Variants in ACTN1 observed in about 807,000 individuals in gnomAD.
ACTN1 encodes the protein alpha-actinin-1.
ACTN1 carries 30 observed loss-of-function variants against 119.6 expected under a neutral mutation model. That is an observed-to-expected ratio of 0.25 (90% confidence interval 0.19 to 0.34). The LOEUF (loss-of-function observed/expected upper bound fraction) is 0.34. Among genes scored for constraint, ACTN1 ranks in the 10% least tolerant of loss-of-function variants. ACTN1 has a pLI of 1.00. For synonymous variants in ACTN1, 429 were observed against 472.6 expected (o/e 0.91, Z 1.20); for missense variants, 764 against 1,223.4 (o/e 0.62, Z 5.60).
chr14:68,969,193 A>C (rs2036800409), intron 1 of ACTN1, among the ~76,000 whole-genome samples: 3 of 152,396 alleles, frequency 2.0e-5, no homozygotes, highest in Middle Eastern at 6.8e-3. Flanking sequence ...AGAGAAAAAG[A>C]AAGCTACAAA....
In ACTN1 at chr14:68,882,983, C is replaced by T. The variant is rs1257111511; in HGVS notation, c.1708G>A (p.Gly570Ser). The T allele has an allele frequency of 6.2e-7, 1 of 1,614,144 alleles. No homozygotes were observed. Among genetic ancestry groups the T allele is most frequent in the Non-Finnish European group, 8.5e-7 (1 of 1,180,024 alleles). ...ATCTTGGACACCTCATTGTGGATGC[C>T]CAGGATGGCCAGGCGCTCCTTGTCG... ...DADKERLAIL[G>S]IHNEVSKIVQ... Residue 570 changes from glycine (G) to serine (S), a missense_variant, in exon 15 of 22, where the codon GGC (glycine) becomes AGC (serine). Coordinates refer to ENST00000394419, the MANE Select transcript of ACTN1 (RefSeq NM_001130004.2). This position sits in a 1 kb window ranked among gnomAD's most constrained non-coding sequence, Gnocchi z 4.5.
In ACTN1 at chr14:68,906,718, G is replaced by A. The variant is rs539202768; in HGVS notation, c.595-1982C>T. On this transcript the variant is annotated intron_variant, in intron 6 of 21. Coordinates refer to ENST00000394419, the MANE Select transcript of ACTN1 (RefSeq NM_001130004.2). The stretch of plus-strand genomic sequence containing the variant: ...CCTCAGCCCTCTGTCCCTATTCTTC[G>A]GCACCAGTTGGTCTCACAACCTCCT... Among the ~76,000 whole-genome samples the A allele has an allele frequency of 3.9e-5, 6 of 152,302 alleles. No homozygotes were observed. The East Asian group carries it at 7.7e-4, about 20-fold the overall frequency.
At chr14:68,943,453 A>C (rs1282794734) in intron 1 of ACTN1, among the ~76,000 whole-genome samples, 1 of 152,176 alleles carries the variant, frequency 6.6e-6, no homozygotes, top group Non-Finnish European at 1.5e-5. Flanking sequence ...GCTGTTGCCC[A>C]CCAGCACCGG....
intron 8 of ACTN1, among the ~76,000 whole-genome samples, chr14:68,898,046 G>C (rs1021403069): frequency 1.3e-5 from 2 of 152,228 alleles, no homozygotes; most frequent in Non-Finnish European, 2.9e-5. Context: ...CTTGGTGGCC[G>C]GCAGTCTTGT....
intron 3 of ACTN1, among the ~76,000 whole-genome samples, chr14:68,914,122 G>A (rs2034158381): frequency 6.6e-6 from 1 of 151,862 alleles, no homozygotes; most frequent in Admixed American, 6.5e-5. Context: ...GGCTTAAGTG[G>A]GAGGATTGCT....
Position 68,878,973 on chromosome 14 carries a change from T to C in ACTN1, c.2361+16A>G. The stretch of plus-strand genomic sequence containing the variant: ...AGACGCCACCCCTGAGCGTGCTCCA[T>C]GCAGGAGGCGAGTACCTGGGGGTCG... On this transcript the variant is annotated intron_variant, in intron 19 of 21. Transcript: ENST00000394419. The surrounding 1 kb of genome is among the most constrained non-coding windows in gnomAD (Gnocchi z 4.4). The C allele has an allele frequency of 2.5e-6, 4 of 1,613,068 alleles. No homozygotes were observed. Among genetic ancestry groups the C allele is most frequent in the Non-Finnish European group, 8.5e-7 (1 of 1,179,780 alleles).
intron 1 of ACTN1, among the ~76,000 whole-genome samples, chr14:68,962,070 C>T (rs2036559020): frequency 6.6e-6 from 1 of 152,212 alleles, no homozygotes; most frequent in Non-Finnish European, 1.5e-5. Context: ...GAGAGAATGG[C>T]TCACCCTCTG....
chr14:68,914,133 T>C (rs1026880483), intron 3 of ACTN1, among the ~76,000 whole-genome samples: 2 of 151,976 alleles, frequency 1.3e-5, no homozygotes, highest in Admixed American at 1.3e-4. Flanking sequence ...GAGGATTGCT[T>C]GAGCCAAGGC....
At chr14:68,970,369 C>A (rs567902264) in intron 1 of ACTN1, among the ~76,000 whole-genome samples, 4 of 152,342 alleles carry the variant, frequency 2.6e-5, no homozygotes, top group African/African-American at 7.2e-5. Flanking sequence ...GTCCCCCACT[C>A]CCTCATCAAC....
chr14:68,975,801 G>A (rs981827253), intron 1 of ACTN1, among the ~76,000 whole-genome samples: 1 of 152,172 alleles, frequency 6.6e-6, no homozygotes, highest in Non-Finnish European at 1.5e-5. Context: ...CATGAACTCC[G>A]TACCGAAGCA....
Position 68,879,848 on chromosome 14 carries a change from C to G in ACTN1, c.2280+114G>C. Reference sequence around the variant, plus strand: ...GTCAGGGCAGGCTGACGGCAGTTTCCCCTTTCTCTCCCTCCTCACTTGCAT... The same window carrying G: ...GTCAGGGCAGGCTGACGGCAGTTTCGCCTTTCTCTCCCTCCTCACTTGCAT... On this transcript the variant is annotated intron_variant, in intron 18 of 21. Transcript: ENST00000394419. The surrounding 1 kb of genome is among the most constrained non-coding windows in gnomAD (Gnocchi z 4.9). 1.4e-6 allele frequency: 2 copies of G among 1,450,290 alleles called. No individual in the cohort carries two copies. The highest frequency in any genetic ancestry group is 1.9e-6 in the Non-Finnish European group (2 of 1,076,820). 89.8% of individuals were successfully genotyped at this position (1,450,290 alleles called of 1,614,324 possible).
chr14:68,882,341 C>T lies in ACTN1; in HGVS notation c.1953+117G>A. On this transcript the variant is annotated intron_variant, in intron 16 of 21. Coordinates refer to ENST00000394419, the MANE Select transcript of ACTN1 (RefSeq NM_001130004.2). The surrounding 1 kb of genome is among the most constrained non-coding windows in gnomAD (Gnocchi z 4.5). ...TACAGAACAGCAGACCCACGGTGGG[C>T]TCCGGGCCTCAGTCCTCCATGGGTC... 1 of 1,421,426 alleles carries T rather than the reference C, an allele frequency of 7.0e-7. No individual in the cohort carries two copies. The allele number at this position is 1,421,426 out of a possible 1,614,324, so 88.1% of individuals were successfully genotyped here. A position where few individuals can be genotyped will look rare whatever the true frequency, so the allele number is the denominator to read the frequency against.
chr14:68,977,945 C>T (rs1426986949), intron 1 of ACTN1: 1 of 456,058 alleles, frequency 2.2e-6, no homozygotes, highest in South Asian at 1.5e-5. Context: ...GGGGCACAGG[C>T]TCACCGCGCA....
chr14:68,976,235 C>T (rs969062008), intron 1 of ACTN1, among the ~76,000 whole-genome samples: 12 of 152,154 alleles, frequency 7.9e-5, no homozygotes, highest in Admixed American at 3.9e-4. Context: ...ACCGGGTGAC[C>T]TTTGTATCCC....
chr14:68,878,393 C>G lies in ACTN1; in HGVS notation c.2427+65G>C. The stretch of plus-strand genomic sequence containing the variant: ...GGCCTCCAGCCTGCCACTCCTGGGA[C>G]TTGGCTGCTCCCGCCAGCTGGCTGC... On this transcript the variant is annotated intron_variant, in intron 20 of 21. Transcript: ENST00000394419. The surrounding 1 kb of genome is among the most constrained non-coding windows in gnomAD (Gnocchi z 4.4). 1 of 1,512,984 alleles carries G rather than the reference C, an allele frequency of 6.6e-7. No individual in the cohort carries two copies. The highest frequency in any genetic ancestry group is 1.3e-5 in the South Asian group (1 of 74,716). 93.7% of individuals were successfully genotyped at this position (1,512,984 alleles called of 1,614,324 possible). A position where few individuals can be genotyped will look rare whatever the true frequency, so the allele number is the denominator to read the frequency against.
chr14:68,971,567 T>C (rs1346422997), intron 1 of ACTN1, among the ~76,000 whole-genome samples: 1 of 152,236 alleles, frequency 6.6e-6, no homozygotes, highest in Non-Finnish European at 1.5e-5. Context: ...GAACATGTTG[T>C]TCTCTATCTC....
intron 16 of ACTN1, 32 bp from the exon 17 acceptor site, chr14:68,881,021 C>T (rs376622167): frequency 2.5e-6 from 4 of 1,609,628 alleles, no homozygotes; most frequent in Non-Finnish European, 3.4e-6. Context: ...CCTTGTCAGA[C>T]CACCTCACTC....
At chr14:68,914,858 T>C (rs1297235184) in intron 3 of ACTN1, among the ~76,000 whole-genome samples, 1 of 152,088 alleles carries the variant, frequency 6.6e-6, no homozygotes, top group Non-Finnish European at 1.5e-5. Flanking sequence ...ACACTAGAAG[T>C]GTAAATTGGT....
chr14:68,953,258 C>T (rs374971678), intron 1 of ACTN1, among the ~76,000 whole-genome samples: 41 of 152,274 alleles, frequency 2.7e-4, no homozygotes, highest in African/African-American at 8.7e-4. Context: ...TCCCCAATGC[C>T]GGGCTGGTTG....
Sources: allele counts gnomAD v4.1 joint callset (sites outside exome capture counted in the v4.1 genomes callset), GRCh38; gene constraint gnomAD v4.1.1; non-coding constraint Gnocchi (gnomAD v3.1); transcripts MANE v1.5; gene names NCBI Gene and HGNC (gene_info 2026-07-23, HGNC 2026-07-21).